GXYLT1: variants seen among roughly 807,000 people sequenced by gnomAD.
GXYLT1 encodes glycosyltransferase 8 domain containing 3.
A neutral mutation model predicts 54.0 loss-of-function variants in GXYLT1; 29 were observed. The observed-to-expected ratio is 0.54, with a 90% CI of 0.40 to 0.73. The LOEUF is 0.73. GXYLT1 is among the 30% of genes least tolerant of loss of function. The probability of loss-of-function intolerance (pLI) is 0.00; values close to 1 mark genes in which losing one functional copy is unlikely to be tolerated. For missense variants in GXYLT1, 490 were observed against 553.4 expected, an observed-to-expected ratio of 0.89 and a Z score of 1.15; for synonymous variants, 176 against 204.1, an observed-to-expected ratio of 0.86 and a Z score of 1.17.
At chr12:42,110,359 T>A (rs955649995) in intron 3 of GXYLT1, among the ~76,000 whole-genome samples, 1 of 152,228 alleles carries the variant, frequency 6.6e-6, no homozygotes, top group African/African-American at 2.4e-5. Flanking sequence ...CTGATTCAAA[T>A]TTCCTGAGGA....
chr12:42,106,309 T>TA (rs1334752810), intron 4 of GXYLT1, among the ~76,000 whole-genome samples: 1 of 152,166 alleles, frequency 6.6e-6, no homozygotes, highest in Non-Finnish European at 1.5e-5. Context: ...TACTCAATTA[T>TA]AAAAATTGAG....
At position 42,109,633 on chromosome 12, in the gene GXYLT1, G is replaced by A; in HGVS notation, c.545C>T (p.Pro182Leu). 6 of 1,594,204 alleles carry A rather than the reference G, an allele frequency of 3.8e-6. No individual in the cohort carries two copies. The highest frequency in any genetic ancestry group is 5.1e-6 in the Non-Finnish European group (6 of 1,168,618). Residue 182 changes from proline (P) to leucine (L), a missense_variant, in exon 4 of 8, where the codon CCA (proline) becomes CTA (leucine). Pro to Leu is a moderately conservative substitution (Grantham distance 98, BLOSUM62 -3). This residue lies in a region of GXYLT1 where 342 missense variants were observed against 342.6 expected (regional missense o/e 1.00). Transcript: ENST00000398675. ...TTTCCACTCTGCTGCATTCTCACTT[G>A]GAAAGGTTATGGGGTATAACGTATA... ...FNYTLYPITF[P>L]SENAAEWKKL...
chr12:42,093,482 G>GAAAAA (rs1345452334), intron 7 of GXYLT1, among the ~76,000 whole-genome samples: 1 of 151,932 alleles, frequency 6.6e-6, no homozygotes, highest in Non-Finnish European at 1.5e-5. Flanking sequence ...GGAAAACACT[G>GAAAAA]AAAAAAACAG....
At chr12:42,109,329 T>C (rs1049155565) in intron 4 of GXYLT1, among the ~76,000 whole-genome samples, 1 of 152,212 alleles carries the variant, frequency 6.6e-6, no homozygotes, top group Non-Finnish European at 1.5e-5. Flanking sequence ...TATATTAAAC[T>C]GGTATCTCAA....
chr12:42,123,219 T>C (rs1025699985), intron 2 of GXYLT1, among the ~76,000 whole-genome samples: 2 of 151,724 alleles, frequency 1.3e-5, no homozygotes, highest in Admixed American at 6.6e-5. Flanking sequence ...AATAAGAAAA[T>C]AGGAATAGGA....
chr12:42,095,654 T>A (rs1267935923), intron 7 of GXYLT1, among the ~76,000 whole-genome samples: 1 of 152,286 alleles, frequency 6.6e-6, no homozygotes, highest in Non-Finnish European at 1.5e-5. Context: ...CGGGCTAAGA[T>A]AACAGGTTAC....
intron 7 of GXYLT1, among the ~76,000 whole-genome samples, chr12:42,096,999 C>A (rs1258901858): frequency 6.6e-6 from 1 of 152,004 alleles, no homozygotes; most frequent in African/African-American, 2.4e-5. Context: ...GGTGAAGAGG[C>A]TCTATTGTCC....
intron 5 of GXYLT1, among the ~76,000 whole-genome samples, chr12:42,105,036 G>T (rs1374964240): frequency 6.6e-6 from 1 of 152,164 alleles, no homozygotes; most frequent in East Asian, 1.9e-4. Context: ...TCAGCTGAGA[G>T]AATTCATACT....
chr12:42,110,979 AT>A (rs778781064), intron 3 of GXYLT1, among the ~76,000 whole-genome samples: 13 of 152,392 alleles, frequency 8.5e-5, no homozygotes, highest in African/African-American at 2.9e-4. Flanking sequence ...ACAAACAATA[AT>A]TCAGCCAGGT....
intron 3 of GXYLT1, among the ~76,000 whole-genome samples, chr12:42,116,944 A>G (rs997985303): frequency 3.9e-5 from 6 of 152,086 alleles, no homozygotes; most frequent in African/African-American, 1.4e-4. Flanking sequence ...AATACTATGC[A>G]GCCATAAAAA....
At chr12:42,107,040 C>T (rs2065425711) in intron 4 of GXYLT1, among the ~76,000 whole-genome samples, 1 of 152,102 alleles carries the variant, frequency 6.6e-6, no homozygotes, top group Non-Finnish European at 1.5e-5. Flanking sequence ...AGCCACTGTG[C>T]CCAATCAAGG....
chr12:42,120,134 TA>T (rs991062991), intron 2 of GXYLT1, among the ~76,000 whole-genome samples: 2 of 151,374 alleles, frequency 1.3e-5, no homozygotes, highest in South Asian at 2.1e-4. Context: ...ACATTGTTAT[TA>T]AAAAAAAACC....
Position 42,097,596 on chromosome 12 carries a change from G to C in GXYLT1, c.1007C>G (p.Pro336Arg). 2 of 1,600,546 alleles carry C rather than the reference G, an allele frequency of 1.2e-6. No homozygotes were observed. The highest frequency in any genetic ancestry group is 1.7e-6 in the Non-Finnish European group (2 of 1,176,446). ...FHNPESLFVF[P>R]CQWNYRPDHC... ...ATCTGGTCGATAATTCCATTGACAC[G>C]GAAAAACAAAAAGGCTTTCTACATA... Residue 336 changes from proline to arginine, a missense_variant, in exon 7 of 8, where the codon CCG becomes CGG. Pro to Arg is a moderately radical substitution (Grantham distance 103). Around this residue, in one of 2 missense-constraint regions of GXYLT1, gnomAD observed 342 missense variants for 342.6 expected, o/e 1.00. Transcript: ENST00000398675.
chr12:42,086,577 T>G lies in GXYLT1; in HGVS notation c.*1209A>C, dbSNP rs771851869. ...GTATATGCTAAGTATTCAGAATCTA[T>G]AGTTATATTAGCTAACAGGTCAAGA... On this transcript the variant is annotated 3_prime_UTR_variant, in exon 8 of 8. Coordinates refer to ENST00000398675, the MANE Select transcript of GXYLT1 (RefSeq NM_173601.2). The G allele has an allele frequency of 1.1e-4, 16 of 152,230 alleles. No homozygotes were observed. The highest frequency in any genetic ancestry group is 2.1e-4 in the South Asian group (1 of 4,836). 9.4% of individuals were successfully genotyped at this position (152,230 alleles called of 1,614,324 possible).
intron 1 of GXYLT1, 123 bp downstream of exon 1, chr12:42,144,303 G>A (rs2065667617): frequency 7.4e-6 from 4 of 541,410 alleles, no homozygotes; most frequent in Non-Finnish European, 8.5e-6. Context: ...ATGAGTGAGG[G>A]GTCAGAGACA....
chr12:42,121,271 A>C (rs1406097974), intron 2 of GXYLT1, among the ~76,000 whole-genome samples: 3 of 152,236 alleles, frequency 2.0e-5, no homozygotes, highest in African/African-American at 7.2e-5. Flanking sequence ...AAGGCATAAT[A>C]GTCATATGCT....
chr12:42,115,631 G>C (rs1170163601), intron 3 of GXYLT1, among the ~76,000 whole-genome samples: 9 of 151,802 alleles, frequency 5.9e-5, no homozygotes, highest in African/African-American at 2.2e-4. Flanking sequence ...AAATAAAAGA[G>C]GATACAAACA....
intron 1 of GXYLT1, among the ~76,000 whole-genome samples, chr12:42,140,716 T>G (rs2065647782): frequency 1.1e-4 from 16 of 152,074 alleles, no homozygotes; most frequent in Admixed American, 9.8e-4. Flanking sequence ...AGTGAAATAA[T>G]TACCTCCCTG....
intron 3 of GXYLT1, among the ~76,000 whole-genome samples, chr12:42,116,152 T>C (rs1168473815): frequency 6.6e-6 from 1 of 152,044 alleles, no homozygotes; most frequent in Admixed American, 6.5e-5. Flanking sequence ...AAGACTTACA[T>C]GTTAGACCTA....
Sources: allele counts gnomAD v4.1 joint callset (sites outside exome capture counted in the v4.1 genomes callset), GRCh38; gene constraint gnomAD v4.1.1; regional missense constraint gnomAD v4.1.1; transcripts MANE v1.5; gene names NCBI Gene and HGNC (gene_info 2026-07-23, HGNC 2026-07-21).